The following CLOCK variants were observed in gnomAD, a reference collection of about 807,000 sequenced individuals.
CLOCK encodes clock circadian regulator, also known as circadian locomoter output cycles protein kaput.
In CLOCK, 43 loss-of-function variants were observed where a neutral mutation model predicts 118.4. The observed-to-expected ratio is 0.36, with a 90% CI of 0.28 to 0.47. The LOEUF (loss-of-function observed/expected upper bound fraction) is 0.47, where lower values mean the gene tolerates loss of function less well. Among genes scored for constraint, CLOCK ranks in the 20% least tolerant of loss-of-function variants. The probability of loss-of-function intolerance (pLI) is 1.00; values close to 1 mark genes in which losing one functional copy is unlikely to be tolerated. For missense variants in CLOCK, 846 were observed against 999.9 expected (o/e 0.85, Z 2.08); for synonymous variants, 326 against 339.2 (o/e 0.96, Z 0.43).
Position 55,433,445 on chromosome 4 carries a change from A to G in CLOCK, c.*1970T>C, listed in dbSNP as rs747353177. The G allele has an allele frequency of 1.4e-4, 21 of 152,506 alleles. No individual in the cohort carries two copies. The highest frequency in any genetic ancestry group is 2.9e-4 in the Non-Finnish European group (20 of 68,028). The allele number at this position is 152,506 out of a possible 1,614,324, so 9.4% of individuals were successfully genotyped here. On this transcript the variant is annotated 3_prime_UTR_variant, in exon 23 of 23. Transcript: ENST00000513440. ...GAAAGACAAAGTATATGCCTTAAGGATAACAGCAAAGCAGAGGACAGAGAA... is the reference window on the plus strand; with the variant it reads ...GAAAGACAAAGTATATGCCTTAAGGGTAACAGCAAAGCAGAGGACAGAGAA...
At chr4:55,459,349 G>GT in intron 9 of CLOCK, 88 bp from the exon 10 acceptor site, 4 of 839,718 alleles carry the variant, frequency 4.8e-6, no homozygotes, top group Non-Finnish European at 8.0e-6. Context: ...TAAAAGTTGT[G>GT]TAAGTTTACA....
rs948361387 is a variant in CLOCK at position 55,479,029 on chromosome 4, T to C, written c.108-66A>G. On this transcript the variant is annotated intron_variant, in intron 5 of 22. Transcript: ENST00000513440. ...TAATTACACAAGTAGTTTAATACAA[T>C]GTTAATTTAGACATGACACAGCATG... The C allele has an allele frequency of 2.5e-5, 33 of 1,327,770 alleles. No individual in the cohort carries two copies. The Admixed American group carries it at 5.8e-4, about 23-fold the overall frequency. The allele number at this position is 1,327,770 out of a possible 1,614,324, so 82.2% of individuals were successfully genotyped here.
intron 1 of CLOCK, among the ~76,000 whole-genome samples, chr4:55,538,735 C>G (rs1479974852): frequency 6.6e-6 from 1 of 152,102 alleles, no homozygotes; most frequent in Non-Finnish European, 1.5e-5. Context: ...CATCAAAGTG[C>G]TTTAAAAGTA....
chr4:55,488,330 G>C (rs1051255597), intron 3 of CLOCK, among the ~76,000 whole-genome samples: 1 of 152,016 alleles, frequency 6.6e-6, no homozygotes, highest in African/African-American at 2.4e-5. Flanking sequence ...ACTTCTACAT[G>C]CCAATGACTC....
At chr4:55,478,773 T>TTA in intron 6 of CLOCK, 42 bp downstream of exon 6, 1 of 1,590,354 alleles carries the variant, frequency 6.3e-7, no homozygotes, top group African/African-American at 1.3e-5. Context: ...TTCTAACTAA[T>TTA]GCTTTGAGAG....
chr4:55,447,528 AG>A (rs1160901284), intron 18 of CLOCK, among the ~76,000 whole-genome samples: 5 of 152,222 alleles, frequency 3.3e-5, no homozygotes, highest in Non-Finnish European at 5.9e-5. Context: ...GTAGGATAAC[AG>A]GAAGTAAAAC....
intron 1 of CLOCK, among the ~76,000 whole-genome samples, chr4:55,528,735 C>T (rs1056225026): frequency 6.6e-6 from 1 of 152,162 alleles, no homozygotes; most frequent in Non-Finnish European, 1.5e-5. Context: ...CCCTCAATGA[C>T]TAAGCAAGGG....
At chr4:55,439,653 A>C (rs1035123864) in intron 21 of CLOCK, among the ~76,000 whole-genome samples, 3 of 152,352 alleles carry the variant, frequency 2.0e-5, no homozygotes, top group African/African-American at 7.2e-5. Context: ...AAAACATAGT[A>C]GAGTAGAATA....
chr4:55,436,398 C>T (rs1265880719), intron 22 of CLOCK, among the ~76,000 whole-genome samples: 3 of 152,144 alleles, frequency 2.0e-5, no homozygotes, highest in South Asian at 2.1e-4. Flanking sequence ...ATAGATGAGC[C>T]TCTGTTCCTT....
intron 6 of CLOCK, among the ~76,000 whole-genome samples, chr4:55,476,570 A>G (rs1459183427): frequency 6.6e-6 from 1 of 152,116 alleles, no homozygotes; most frequent in Non-Finnish European, 1.5e-5. Context: ...TAATTAATCA[A>G]AGAGACTAAA....
At chr4:55,503,373 G>C (rs1728561750) in intron 2 of CLOCK, among the ~76,000 whole-genome samples, 1 of 152,134 alleles carries the variant, frequency 6.6e-6, no homozygotes, top group African/African-American at 2.4e-5. Context: ...ATTTTAAAAG[G>C]CTAGGCACAG....
intron 22 of CLOCK, 89 bp from the exon 23 acceptor site, chr4:55,435,683 A>T: frequency 1.5e-6 from 2 of 1,344,972 alleles, no homozygotes; most frequent in South Asian, 1.2e-5. Context: ...GTCCATAGGG[A>T]CAAAATCCTT....
At chr4:55,504,161 C>G (rs1233835106) in intron 2 of CLOCK, among the ~76,000 whole-genome samples, 3 of 150,844 alleles carry the variant, frequency 2.0e-5, no homozygotes, top group Non-Finnish European at 1.5e-5. Flanking sequence ...TGGCAGGCGC[C>G]TATAGTCCCA....
intron 2 of CLOCK, among the ~76,000 whole-genome samples, chr4:55,489,870 G>T (rs1296619786): frequency 1.3e-5 from 2 of 151,900 alleles, no homozygotes; most frequent in Non-Finnish European, 2.9e-5. Flanking sequence ...TAAGCCCCAT[G>T]GTAATCACAT....
chr4:55,505,997 T>C (rs1268984143), intron 2 of CLOCK, among the ~76,000 whole-genome samples: 2 of 152,078 alleles, frequency 1.3e-5, no homozygotes, highest in African/African-American at 4.8e-5. Flanking sequence ...CTTAAATATC[T>C]ACAGTATAGT....
At chr4:55,512,087 T>C (rs1244155945) in intron 1 of CLOCK, among the ~76,000 whole-genome samples, 1 of 152,024 alleles carries the variant, frequency 6.6e-6, no homozygotes. Context: ...GATTTTTGTA[T>C]GGATAGAAAC....
At chr4:55,533,560 A>C (rs1047238498) in intron 1 of CLOCK, among the ~76,000 whole-genome samples, 3 of 152,236 alleles carry the variant, frequency 2.0e-5, no homozygotes, top group Non-Finnish European at 4.4e-5. Context: ...AAAGTAATTC[A>C]AACCATATCA....
intron 1 of CLOCK, among the ~76,000 whole-genome samples, chr4:55,522,740 TCATA>T (rs947971296): frequency 3.3e-5 from 5 of 152,178 alleles, no homozygotes; most frequent in Admixed American, 2.0e-4. Flanking sequence ...TTTCCCTCTC[TCATA>T]TATATGTATG....
At chr4:55,440,569 A>G (rs1723285604) in intron 21 of CLOCK, among the ~76,000 whole-genome samples, 2 of 152,196 alleles carry the variant, frequency 1.3e-5, no homozygotes, top group Non-Finnish European at 1.5e-5. Context: ...TATACACTAC[A>G]CAACCAAATA....
Sources: gnomAD v4.1 joint callset for allele counts (sites outside exome capture counted in the v4.1 genomes callset) on GRCh38, gnomAD v4.1.1 for gene constraint, MANE v1.5 for transcripts, NCBI Gene and HGNC (gene_info 2026-07-23, HGNC 2026-07-21) for gene names.